The following CSMD1 variants were observed in gnomAD, a reference collection of about 807,000 sequenced individuals.
CSMD1 encodes CUB and Sushi multiple domains 1, also known as CUB and sushi domain-containing protein 1.
A neutral mutation model predicts 417.5 loss-of-function variants in CSMD1; 213 were observed. The observed-to-expected ratio is 0.51, with a 90% CI of 0.46 to 0.57. The LOEUF (loss-of-function observed/expected upper bound fraction) is 0.57, where lower values mean the gene tolerates loss of function less well. CSMD1 is among the 20% of genes least tolerant of loss of function. The pLI, the probability that CSMD1 is intolerant of heterozygous loss-of-function variation, is 0.00. For synonymous variants in CSMD1, 2,862 were observed against 1,736.8 expected (o/e 1.65, Z -16.11); for missense variants, 6,923 against 4,529.7 (o/e 1.53, Z -15.17).
At chr8:4,200,216 T>C (rs182073305) in intron 3 of CSMD1, among the ~76,000 whole-genome samples, 2 of 152,178 alleles carry the variant, frequency 1.3e-5, no homozygotes, top group Non-Finnish European at 2.9e-5. Flanking sequence ...GTTATGAAAT[T>C]CTGGCCAGCA....
rs148812026 is a variant in CSMD1, at chr8:4,634,367, C to G, written c.302+2975G>C. Among the ~76,000 whole-genome samples the G allele has an allele frequency of 2.4e-3, 364 of 152,114 alleles. 1 individual carries two copies. Among genetic ancestry groups the G allele is most frequent in the African/African-American group, 8.3e-3 (345 of 41,480 alleles). The stretch of plus-strand genomic sequence containing the variant: ...TGTCAGCTGGGGATTAAATCTGCCT[C>G]TTAAGTTTATTTCGAAAAAAAATAT... On this transcript the variant is annotated intron_variant, in intron 2 of 69. Transcript: ENST00000635120.
chr8:3,404,524 G>A (rs971724674), intron 15 of CSMD1, among the ~76,000 whole-genome samples: 4 of 151,984 alleles, frequency 2.6e-5, no homozygotes, highest in African/African-American at 7.3e-5. Flanking sequence ...GAGATGATGG[G>A]TCTGAGAATG....
chr8:3,898,937 C>G (rs1315039807), intron 5 of CSMD1, among the ~76,000 whole-genome samples: 2 of 151,996 alleles, frequency 1.3e-5, no homozygotes, highest in South Asian at 2.1e-4. Context: ...CCTCTGCCCT[C>G]AAAAATTTTA....
intron 3 of CSMD1, among the ~76,000 whole-genome samples, chr8:4,113,496 C>A (rs1363600484): frequency 1.3e-5 from 2 of 148,166 alleles, no homozygotes; most frequent in African/African-American, 2.5e-5. Flanking sequence ...CCTCTGCCTC[C>A]CAGGTTCAAG....
At chr8:4,234,308 G>A (rs1801918093) in intron 3 of CSMD1, among the ~76,000 whole-genome samples, 1 of 152,134 alleles carries the variant, frequency 6.6e-6, no homozygotes, top group African/African-American at 2.4e-5. Flanking sequence ...TAGAGCTGGC[G>A]ATTGCAGACA....
intron 12 of CSMD1, among the ~76,000 whole-genome samples, chr8:3,424,083 C>T (rs1299264243): frequency 6.6e-6 from 1 of 152,126 alleles, no homozygotes; most frequent in African/African-American, 2.4e-5. Context: ...GTTCAATGCA[C>T]CCATTATTCA....
intron 3 of CSMD1, among the ~76,000 whole-genome samples, chr8:4,165,510 C>T (rs376223186): frequency 6.6e-6 from 1 of 152,126 alleles, no homozygotes; most frequent in Non-Finnish European, 1.5e-5. Flanking sequence ...CTCAAGTCAT[C>T]CTCCCACCTC....
chr8:4,786,291 G>A (rs536702988), intron 1 of CSMD1, among the ~76,000 whole-genome samples: 2 of 152,220 alleles, frequency 1.3e-5, no homozygotes, highest in East Asian at 3.9e-4. Context: ...TGTTCTAGAA[G>A]TAAACACTCC....
chr8:4,483,581 G>C (rs62479678), intron 2 of CSMD1, among the ~76,000 whole-genome samples: 10,943 of 152,152 alleles, frequency 0.072, 528 homozygotes, highest in Non-Finnish European at 0.1. Context: ...AAATCAAATA[G>C]GTGATTCATT....
At chr8:3,297,433 A>C (rs1250423648) in intron 25 of CSMD1, among the ~76,000 whole-genome samples, 1 of 152,182 alleles carries the variant, frequency 6.6e-6, no homozygotes, top group African/African-American at 2.4e-5. Context: ...TTATAAAGTA[A>C]ATCAGGAATT....
In CSMD1 at chr8:3,405,771, C is replaced by T. The variant is rs985352602; in HGVS notation, c.2266+256G>A. 4.6e-5 allele frequency among the ~76,000 whole-genome samples: 7 copies of T among 152,248 alleles called. No homozygotes were observed. The East Asian group carries it at 1.2e-3, about 25-fold the overall frequency. ...AATGCCAGAGATTGCCAAACACCGCCAGGAGCTGGAGGACCAGCCTGAGGC... is the reference window on the plus strand; with the variant it reads ...AATGCCAGAGATTGCCAAACACCGCTAGGAGCTGGAGGACCAGCCTGAGGC... On this transcript the variant is annotated intron_variant, in intron 15 of 69. Transcript: ENST00000635120.
chr8:3,840,048 G>C (rs963101363), intron 5 of CSMD1, among the ~76,000 whole-genome samples: 1 of 151,940 alleles, frequency 6.6e-6, no homozygotes, highest in East Asian at 1.9e-4. Context: ...GAATCCTCTG[G>C]GTTGATTTTT....
chr8:3,496,231 C>T (rs1008938306), intron 10 of CSMD1, among the ~76,000 whole-genome samples: 5 of 152,166 alleles, frequency 3.3e-5, no homozygotes, highest in South Asian at 2.1e-4. Flanking sequence ...GCTCCACTGC[C>T]GACTCTGTCC....
At chr8:4,330,891 G>C (rs1424037034) in intron 3 of CSMD1, among the ~76,000 whole-genome samples, 2 of 152,024 alleles carry the variant, frequency 1.3e-5, no homozygotes, top group African/African-American at 4.8e-5. Context: ...CTCTCAGAAA[G>C]CTTCATTATG....
chr8:3,479,016 C>A (rs776983381), intron 11 of CSMD1, among the ~76,000 whole-genome samples: 1 of 152,116 alleles, frequency 6.6e-6, no homozygotes, highest in African/African-American at 2.4e-5. Context: ...CCCAAGCCCA[C>A]CCAACCCCAT....
chr8:4,931,191 T>A (rs1410500001), intron 1 of CSMD1, among the ~76,000 whole-genome samples: 1 of 152,234 alleles, frequency 6.6e-6, no homozygotes, highest in Non-Finnish European at 1.5e-5. Context: ...GGGGCAGTCC[T>A]AAAAGATTGA....
intron 2 of CSMD1, among the ~76,000 whole-genome samples, chr8:4,425,907 G>A (rs539294621): frequency 2.6e-5 from 4 of 151,952 alleles, no homozygotes; most frequent in East Asian, 1.9e-4. Flanking sequence ...ACTCCCTATC[G>A]TAATTTTTTA....
chr8:4,300,001 G>A (rs962952010), intron 3 of CSMD1, among the ~76,000 whole-genome samples: 1 of 152,120 alleles, frequency 6.6e-6, no homozygotes, highest in African/African-American at 2.4e-5. Context: ...TTTGTAGAAA[G>A]CATAAATCTA....
intron 3 of CSMD1, among the ~76,000 whole-genome samples, chr8:4,087,159 C>T (rs1214596077): frequency 6.6e-6 from 1 of 152,184 alleles, no homozygotes; most frequent in Non-Finnish European, 1.5e-5. Flanking sequence ...CAAAGACCCA[C>T]TCTTCTCACC....
Sources: gnomAD v4.1 joint callset for allele counts (sites outside exome capture counted in the v4.1 genomes callset) on GRCh38, gnomAD v4.1.1 for gene constraint, MANE v1.5 for transcripts, NCBI Gene and HGNC (gene_info 2026-07-23, HGNC 2026-07-21) for gene names.